Variants in LPP observed in about 807,000 individuals in gnomAD.
LPP encodes lipoma-preferred partner.
In LPP, 38 loss-of-function variants were observed where a neutral mutation model predicts 60.4. The ratio of observed to expected loss-of-function variants is 0.63; its 90% CI spans 0.49 to 0.83. The LOEUF is 0.83. Among genes scored for constraint, LPP ranks in the 40% least tolerant of loss-of-function variants. The probability of loss-of-function intolerance (pLI) is 0.00; values close to 1 mark genes in which losing one functional copy is unlikely to be tolerated. For synonymous variants in LPP, 328 were observed against 290.8 expected, an observed-to-expected ratio of 1.13 and a Z score of -1.30; for missense variants, 902 against 783.6, an observed-to-expected ratio of 1.15 and a Z score of -1.80.
intron 6 of LPP, among the ~76,000 whole-genome samples, chr3:188,579,205 A>C (rs1835463419): frequency 6.6e-6 from 1 of 152,196 alleles, no homozygotes; most frequent in Admixed American, 6.5e-5. Flanking sequence ...TCCTGCCAAA[A>C]GCATCCCAGG....
At chr3:188,360,548 G>A (rs923931198) in intron 3 of LPP, among the ~76,000 whole-genome samples, 1 of 151,548 alleles carries the variant, frequency 6.6e-6, no homozygotes, top group Non-Finnish European at 1.5e-5. Context: ...GTGGAGATGG[G>A]GTCTCACTAT....
chr3:188,622,359 T>C (rs571363932), intron 7 of LPP, among the ~76,000 whole-genome samples: 9 of 152,300 alleles, frequency 5.9e-5, no homozygotes, highest in South Asian at 2.1e-4. Flanking sequence ...AGAACTAACA[T>C]TGGGGCATTT....
At chr3:188,163,009 A>G (rs1379213315) in intron 1 of LPP, among the ~76,000 whole-genome samples, 1 of 152,118 alleles carries the variant, frequency 6.6e-6, no homozygotes, top group Non-Finnish European at 1.5e-5. Context: ...CAAAAGTGGG[A>G]TGAGTGCCAC....
chr3:188,519,847 A>G (rs1248152615), intron 5 of LPP, among the ~76,000 whole-genome samples: 1 of 152,154 alleles, frequency 6.6e-6, no homozygotes, highest in African/African-American at 2.4e-5. Flanking sequence ...TTTGGATATA[A>G]AGAATGAAAA....
intron 4 of LPP, among the ~76,000 whole-genome samples, chr3:188,407,145 G>GAAA (rs1225618417): frequency 6.6e-6 from 1 of 151,560 alleles, no homozygotes; most frequent in Non-Finnish European, 1.5e-5. Context: ...AGTGAAAGGA[G>GAAA]ATTTAACTCC....
intron 2 of LPP, among the ~76,000 whole-genome samples, chr3:188,245,776 C>A (rs938153547): frequency 7.3e-5 from 11 of 151,716 alleles, no homozygotes; most frequent in Non-Finnish European, 1.5e-5. Context: ...CTACTGAGCT[C>A]GGTGATCCTC....
Position 188,576,612 on chromosome 3 carries a change from T to TG in LPP, c.430-32549_430-32548insG, listed in dbSNP as rs1456691892. 6.6e-5 allele frequency among the ~76,000 whole-genome samples: 10 copies of TG among 152,276 alleles called. No individual in the cohort carries two copies. The East Asian group carries it at 1.9e-3, about 29-fold the overall frequency. On this transcript the variant is annotated intron_variant, in intron 6 of 11. Coordinates refer to ENST00000617246, the MANE Select transcript of LPP (RefSeq NM_001375462.1). ...GTCACCAGAGTCTCAGGGCCTGTCTTCTGTATCGCAGAAAACAAATCAAGG... is the reference window on the plus strand; with the variant it reads ...GTCACCAGAGTCTCAGGGCCTGTCTTGCTGTATCGCAGAAAACAAATCAAGG...
intron 2 of LPP, among the ~76,000 whole-genome samples, chr3:188,281,978 C>G (rs1742248471): frequency 6.6e-6 from 1 of 151,940 alleles, no homozygotes; most frequent in African/African-American, 2.4e-5. Flanking sequence ...AACCTTTTCC[C>G]TTCTCCTTCT....
chr3:188,804,324 G>T (rs1577668461), intron 9 of LPP, among the ~76,000 whole-genome samples: 2 of 128,434 alleles, frequency 1.6e-5, no homozygotes, highest in Admixed American at 1.8e-4. Flanking sequence ...ATGGAATCAT[G>T]TCTTTTGCAG....
chr3:188,815,137 A>T (rs1218015740), intron 9 of LPP, among the ~76,000 whole-genome samples: 1 of 152,246 alleles, frequency 6.6e-6, no homozygotes, highest in African/African-American at 2.4e-5. Context: ...AATGGAAATG[A>T]CCAGAATTTA....
chr3:188,784,069 G>A (rs370509335), intron 9 of LPP, among the ~76,000 whole-genome samples: 16 of 151,076 alleles, frequency 1.1e-4, no homozygotes, highest in African/African-American at 1.7e-4. Flanking sequence ...TTTATCCCTC[G>A]TCCCCCTTCC....
At chr3:188,356,088 C>T (rs545223093) in intron 3 of LPP, among the ~76,000 whole-genome samples, 112 of 152,240 alleles carry the variant, frequency 7.4e-4, no homozygotes, top group African/African-American at 2.5e-3. Context: ...ACTTATAGCG[C>T]GGATGTTTTT....
At chr3:188,531,651 C>T (rs1258870444) in intron 6 of LPP, among the ~76,000 whole-genome samples, 11 of 152,076 alleles carry the variant, frequency 7.2e-5, no homozygotes, top group African/African-American at 2.7e-4. Flanking sequence ...ATCTTTATGC[C>T]AGGAGGGTGG....
At chr3:188,818,378 A>G (rs1338327079) in intron 9 of LPP, among the ~76,000 whole-genome samples, 1 of 152,058 alleles carries the variant, frequency 6.6e-6, no homozygotes, top group Non-Finnish European at 1.5e-5. Context: ...AATACTTTCT[A>G]TTGGTATTTT....
At chr3:188,374,767 G>T (rs1774434151) in intron 3 of LPP, among the ~76,000 whole-genome samples, 1 of 152,124 alleles carries the variant, frequency 6.6e-6, no homozygotes, top group Non-Finnish European at 1.5e-5. Flanking sequence ...GGGAGAGAGG[G>T]CATCCCTGTC....
At chr3:188,656,203 A>G (rs1853169266) in intron 7 of LPP, among the ~76,000 whole-genome samples, 1 of 133,680 alleles carries the variant, frequency 7.5e-6, no homozygotes, top group Non-Finnish European at 1.7e-5. Context: ...CAAAAGGAAA[A>G]AAAAAAAAAA....
intron 4 of LPP, among the ~76,000 whole-genome samples, chr3:188,439,535 G>C (rs1793249398): frequency 6.6e-6 from 1 of 152,164 alleles, no homozygotes. Flanking sequence ...TCTAACAAAA[G>C]TCCCTTGGCA....
chr3:188,638,938 G>A (rs1330559130), intron 7 of LPP, among the ~76,000 whole-genome samples: 1 of 152,112 alleles, frequency 6.6e-6, no homozygotes, highest in Non-Finnish European at 1.5e-5. Flanking sequence ...TGGCCATACT[G>A]CCCAAGGTAA....
intron 2 of LPP, among the ~76,000 whole-genome samples, chr3:188,266,550 G>A (rs1285362074): frequency 2.0e-5 from 3 of 148,476 alleles, no homozygotes; most frequent in Non-Finnish European, 4.4e-5. Flanking sequence ...AGACGGGGAA[G>A]ACAGAGAGAG....
Sources: gnomAD v4.1 joint callset for allele counts (sites outside exome capture counted in the v4.1 genomes callset) on GRCh38, gnomAD v4.1.1 for gene constraint, MANE v1.5 for transcripts, NCBI Gene and HGNC (gene_info 2026-07-23, HGNC 2026-07-21) for gene names.